NINL: variants seen among roughly 807,000 people sequenced by gnomAD.
NINL encodes the protein ninein like.
NINL carries 153 observed loss-of-function variants against 160.3 expected under a neutral mutation model. That is an observed-to-expected ratio of 0.95 (90% CI 0.84 to 1.09). NINL has a LOEUF of 1.09. Among genes scored for constraint, NINL ranks in the 50% least tolerant of loss-of-function variants. NINL has a pLI of 0.00. For missense variants in NINL, 1,829 were observed against 1,764.0 expected, an observed-to-expected ratio of 1.04 and a Z score of -0.66; for synonymous variants, 800 against 734.8, an observed-to-expected ratio of 1.09 and a Z score of -1.43.
intron 18 of NINL, 48 bp downstream of exon 18, chr20:25,469,943 A>C: frequency 7.4e-7 from 1 of 1,348,384 alleles, no homozygotes; most frequent in East Asian, 2.3e-5. Flanking sequence ...CACTCTACGG[A>C]GGGCAAAACG....
At position 25,470,163 on chromosome 20, in the gene NINL, T is replaced by C. The variant is rs1403134238; in HGVS notation, c.3249-68A>G. The C allele has an allele frequency of 6.3e-6, 8 of 1,272,108 alleles. No homozygotes were observed. The South Asian group carries it at 8.3e-5, about 13-fold the overall frequency. 78.8% of individuals were successfully genotyped at this position (1,272,108 alleles called of 1,614,324 possible). ...CACATGTGGTCACGGAGGCTGGCTCTGCAGCGGGGAGTCCTGAGAACTGTG... is the reference window on the plus strand; with the variant it reads ...CACATGTGGTCACGGAGGCTGGCTCCGCAGCGGGGAGTCCTGAGAACTGTG... On this transcript the variant is annotated intron_variant, in intron 17 of 23. Transcript: ENST00000278886.
intron 19 of NINL, 92 bp from the exon 20 acceptor site, chr20:25,462,633 T>A: frequency 9.1e-7 from 1 of 1,100,296 alleles, no homozygotes; most frequent in Non-Finnish European, 1.3e-6. Context: ...ATATTTTTAT[T>A]AAGTAGTCAT....
At position 25,585,224 on chromosome 20, in the gene NINL, C is replaced by A. The variant is rs577349464; in HGVS notation, c.-12+231G>T. On this transcript the variant is annotated intron_variant, in intron 1 of 23. Coordinates refer to ENST00000278886, the MANE Select transcript of NINL (RefSeq NM_025176.6). ...CCGGGTTTTCAAGCGTTCGGCCCAG[C>A]GGGCGCTGTATTTTAGGGCGTGACC... Among the ~76,000 whole-genome samples the A allele has an allele frequency of 1.1e-4, 16 of 152,296 alleles. No homozygotes were observed. In the South Asian group the frequency reaches 3.3e-3, roughly 32 times the overall value.
intron 14 of NINL, among the ~76,000 whole-genome samples, chr20:25,480,615 G>A (rs1288589030): frequency 6.6e-6 from 1 of 152,224 alleles, no homozygotes; most frequent in Non-Finnish European, 1.5e-5. Context: ...TGGCACAGCA[G>A]ATGCCCGGTG....
chr20:25,483,127 G>C (rs2063430588), intron 13 of NINL, among the ~76,000 whole-genome samples: 2 of 149,852 alleles, frequency 1.3e-5, no homozygotes, highest in African/African-American at 5.1e-5. Flanking sequence ...GAGGTCAAGA[G>C]ATCGAGACCA....
At chr20:25,478,542 C>G (rs1000443897) in intron 16 of NINL, among the ~76,000 whole-genome samples, 1 of 152,238 alleles carries the variant, frequency 6.6e-6, no homozygotes, top group African/African-American at 2.4e-5. Context: ...CTAACCCCAG[C>G]TGGCCATCTT....
chr20:25,517,913 A>T, intron 2 of NINL, 64 bp from the exon 3 acceptor site: 1 of 993,306 alleles, frequency 1.0e-6, no homozygotes, highest in Non-Finnish European at 1.5e-6. Context: ...TTCAAAAGTG[A>T]CTCTTTTGGA....
At chr20:25,544,556 A>G (rs1488497948) in intron 1 of NINL, among the ~76,000 whole-genome samples, 2 of 152,212 alleles carry the variant, frequency 1.3e-5, no homozygotes, top group Admixed American at 6.5e-5. Context: ...TGGAAACTTC[A>G]GAGGCCATGT....
chr20:25,564,928 C>T (rs191681469), intron 1 of NINL, among the ~76,000 whole-genome samples: 34 of 152,122 alleles, frequency 2.2e-4, no homozygotes, highest in Admixed American at 2.1e-3. Flanking sequence ...ACAGTTTTAC[C>T]GAAGCAAAAG....
chr20:25,579,298 G>A (rs749425484), intron 1 of NINL, among the ~76,000 whole-genome samples: 1 of 152,104 alleles, frequency 6.6e-6, no homozygotes, highest in Non-Finnish European at 1.5e-5. Context: ...TGAGATGGGG[G>A]CAACAGTACA....
intron 2 of NINL, among the ~76,000 whole-genome samples, chr20:25,519,105 A>AG (rs5841059): frequency 0.021 from 3,242 of 151,614 alleles, 120 homozygotes; most frequent in African/African-American, 0.074. Flanking sequence ...TCAAAAAAAA[A>AG]AAAAAAAAAA....
At chr20:25,526,358 C>T in intron 2 of NINL, 50 bp downstream of exon 2, 1 of 1,514,146 alleles carries the variant, frequency 6.6e-7, no homozygotes, top group Non-Finnish European at 9.0e-7. Flanking sequence ...CCATAAGAGC[C>T]AACTATAGAC....
At chr20:25,530,276 A>T (rs1214922011) in intron 1 of NINL, among the ~76,000 whole-genome samples, 1 of 152,180 alleles carries the variant, frequency 6.6e-6, no homozygotes, top group Admixed American at 6.5e-5. Flanking sequence ...GTATTTTCAC[A>T]TAAGTATAAT....
intron 1 of NINL, among the ~76,000 whole-genome samples, chr20:25,578,578 G>C (rs910271804): frequency 1.3e-5 from 2 of 151,614 alleles, no homozygotes; most frequent in African/African-American, 4.9e-5. Flanking sequence ...TGGATCATGA[G>C]GTCAGGAGAC....
intron 13 of NINL, chr20:25,488,938 G>A (rs2063560548): frequency 2.6e-6 from 1 of 383,418 alleles, no homozygotes; most frequent in Admixed American, 3.7e-5. Flanking sequence ...ACTGCGCCCT[G>A]CACTCCTATG....
rs546512929 is a variant in NINL at position 25,559,672 on chromosome 20, C to A, written c.-12+25783G>T. Among the ~76,000 whole-genome samples, 4 of 152,226 alleles carry A rather than the reference C, an allele frequency of 2.6e-5. No homozygotes were observed. The East Asian group carries it at 7.7e-4, about 29-fold the overall frequency. On this transcript the variant is annotated intron_variant, in intron 1 of 23. Coordinates refer to ENST00000278886, the MANE Select transcript of NINL (RefSeq NM_025176.6). The stretch of plus-strand genomic sequence containing the variant: ...CTGGAGTGCAATGGCCCCATCAGAG[C>A]TAATTGCAGCCTTGAACTCCTGGGC...
chr20:25,508,514 C>T (rs747751179), intron 5 of NINL, among the ~76,000 whole-genome samples: 1 of 152,236 alleles, frequency 6.6e-6, no homozygotes, highest in Non-Finnish European at 1.5e-5. Context: ...TGGGGGTTCC[C>T]GGGGTACAGG....
chr20:25,493,440 C>T (rs933804231), intron 10 of NINL, among the ~76,000 whole-genome samples: 9 of 152,130 alleles, frequency 5.9e-5, no homozygotes, highest in African/African-American at 1.7e-4. Context: ...ACAACAGAGC[C>T]GTCAGGAGAA....
At chr20:25,543,096 C>T (rs924644063) in intron 1 of NINL, among the ~76,000 whole-genome samples, 4 of 150,288 alleles carry the variant, frequency 2.7e-5, no homozygotes, top group Admixed American at 6.6e-5. Flanking sequence ...TTTATTAATA[C>T]GAAAGAAAAA....
Sources: allele counts gnomAD v4.1 joint callset (sites outside exome capture counted in the v4.1 genomes callset), GRCh38; gene constraint gnomAD v4.1.1; transcripts MANE v1.5; gene names NCBI Gene and HGNC (gene_info 2026-07-23, HGNC 2026-07-21).